The following CHADL variants were observed in gnomAD, a reference collection of about 807,000 sequenced individuals.
CHADL encodes the protein chondroadherin-like protein.
CHADL carries 48 observed loss-of-function variants against 52.1 expected under a neutral mutation model. The observed-to-expected ratio is 0.92, with a 90% CI of 0.73 to 1.17. The LOEUF is 1.17. Ranked by LOEUF, CHADL falls within the 50% of genes most tolerant of loss-of-function variation. CHADL has a pLI of 0.00. For missense variants in CHADL, 977 were observed against 1,035.1 expected (o/e 0.94, Z 0.77); for synonymous variants, 498 against 511.2 (o/e 0.97, Z 0.35).
chr22:41,238,348 G>A lies in CHADL; in HGVS notation c.724C>T (p.Leu242Phe). 2.7e-6 allele frequency: 4 copies of A among 1,508,244 alleles called. No individual in the cohort carries two copies. The highest frequency in any genetic ancestry group is 2.6e-6 in the Non-Finnish European group (3 of 1,135,268). 93.4% of individuals were successfully genotyped at this position (1,508,244 alleles called of 1,614,324 possible). ...LARLELGHNP[L>F]TYAGEEDGLA... ...CCGTCCTCCTCGCCCGCGTAGGTGA[G>A]CGGGTTGTGGCCCAGCTCCAGACGG... The change falls in exon 3 of 6, where the codon CTC becomes TTC. Residue 242 changes from leucine to phenylalanine, a missense_variant. Leu to Phe is a conservative substitution (Grantham distance 22, BLOSUM62 0). Coordinates refer to ENST00000216241, the MANE Select transcript of CHADL (RefSeq NM_138481.2). The surrounding 1 kb of genome is among the most constrained non-coding windows in gnomAD (Gnocchi z 4.9).
intron 4 of CHADL, among the ~76,000 whole-genome samples, chr22:41,235,679 T>G (rs1380468341): frequency 1.3e-5 from 2 of 152,182 alleles, no homozygotes; most frequent in Admixed American, 6.5e-5. Flanking sequence ...TTAGAGGGCT[T>G]ACAACGTAGC....
At chr22:41,233,695 C>A (rs2032681762) in intron 5 of CHADL, among the ~76,000 whole-genome samples, 1 of 152,146 alleles carries the variant, frequency 6.6e-6, no homozygotes, top group Non-Finnish European at 1.5e-5. Context: ...AACGGCTGAC[C>A]CCTAGCCTAC....
chr22:41,231,570 C>T (rs1394671186), intron 5 of CHADL, among the ~76,000 whole-genome samples: 1 of 152,256 alleles, frequency 6.6e-6, no homozygotes, highest in African/African-American at 2.4e-5. Flanking sequence ...GGAATGTGCG[C>T]ATGACCACGT....
At chr22:41,237,106 G>T in intron 3 of CHADL, 70 bp downstream of exon 3, 1 of 1,427,048 alleles carries the variant, frequency 7.0e-7, no homozygotes, top group African/African-American at 1.4e-5. Flanking sequence ...AATGCTTGTT[G>T]AGTGAATGCA....
At chr22:41,240,682 C>T in intron 1 of CHADL, 192 bp downstream of exon 1, 1 of 613,834 alleles carries the variant, frequency 1.6e-6, no homozygotes, top group South Asian at 2.0e-5. Flanking sequence ...CCCAGAGGAC[C>T]AGTTCCTGGC....
chr22:41,232,200 C>T (rs1349590039), intron 5 of CHADL, among the ~76,000 whole-genome samples: 8 of 152,032 alleles, frequency 5.3e-5, no homozygotes, highest in South Asian at 2.1e-4. Context: ...GGCGTGGTGG[C>T]AGTCACCTGT....
chr22:41,234,981 G>T (rs897238045), intron 5 of CHADL, among the ~76,000 whole-genome samples, 164 bp downstream of exon 5: 4 of 152,180 alleles, frequency 2.6e-5, no homozygotes, highest in Non-Finnish European at 5.9e-5. Context: ...GAGCCACCGC[G>T]CCCAGCCTCG....
chr22:41,238,389 T>C lies in CHADL; in HGVS notation c.683A>G (p.Gln228Arg). The part of the protein sequence containing the change: ...LQALPGPVLS[Q>R]ARGLARLELG... ...CTCCAGACGGGCCAGGCCGCGGGCC[T>C]GGGACAAGACAGGCCCGGGCAGAGC... The change falls in exon 3 of 6, where the codon CAG (glutamine) becomes CGG (arginine). Residue 228 changes from glutamine (Q) to arginine (R), a missense_variant. Physicochemically the swap from Gln to Arg is conservative, Grantham distance 43. Transcript: ENST00000216241. The surrounding 1 kb of genome is among the most constrained non-coding windows in gnomAD (Gnocchi z 4.9). The C allele has an allele frequency of 6.7e-7, 1 of 1,499,942 alleles. No individual in the cohort carries two copies. Among genetic ancestry groups the C allele is most frequent in the South Asian group, 1.3e-5 (1 of 79,070 alleles). 92.9% of individuals were successfully genotyped at this position (1,499,942 alleles called of 1,614,324 possible).
rs2032809718 is a variant in CHADL at position 41,238,958 on chromosome 22, G to A, written c.187-73C>T. 4 of 1,451,936 alleles carry A rather than the reference G, an allele frequency of 2.8e-6. No individual in the cohort carries two copies. The highest frequency in any genetic ancestry group is 1.4e-5 in the South Asian group (1 of 71,650). The allele number at this position is 1,451,936 out of a possible 1,614,324, so 89.9% of individuals were successfully genotyped here. A position where few individuals can be genotyped will look rare whatever the true frequency, so the allele number is the denominator to read the frequency against. ...CCTTTGCAAGTGCTGCTTCTTCCCCGGAACACTCTTTTCTCCTGTCACCTT... is the reference window on the plus strand; with the variant it reads ...CCTTTGCAAGTGCTGCTTCTTCCCCAGAACACTCTTTTCTCCTGTCACCTT... On this transcript the variant is annotated intron_variant, in intron 2 of 5. Transcript: ENST00000216241. This position sits in a 1 kb window ranked among gnomAD's most constrained non-coding sequence, Gnocchi z 4.9.
At chr22:41,231,510 C>T (rs1438092931) in intron 5 of CHADL, among the ~76,000 whole-genome samples, 1 of 152,254 alleles carries the variant, frequency 6.6e-6, no homozygotes, top group Non-Finnish European at 1.5e-5. Flanking sequence ...TCCGCCTGTG[C>T]GTAGCACCTG....
Position 41,238,375 on chromosome 22 carries a change from C to T in CHADL, c.697G>A (p.Ala233Thr), listed in dbSNP as rs928227379. ...GPVLSQARGLARLELGHNPLT... is the reference protein window; with the variant it reads ...GPVLSQARGLTRLELGHNPLT... ...GGGTTGTGGCCCAGCTCCAGACGGG[C>T]CAGGCCGCGGGCCTGGGACAAGACA... is the stretch of plus-strand genomic sequence containing the variant. The change falls in exon 3 of 6, where the codon GCC (alanine) becomes ACC (threonine). Residue 233 changes from alanine (A) to threonine (T), a missense_variant. Coordinates refer to ENST00000216241, the MANE Select transcript of CHADL (RefSeq NM_138481.2). This position sits in a 1 kb window ranked among gnomAD's most constrained non-coding sequence, Gnocchi z 4.9. The T allele has an allele frequency of 7.9e-5, 118 of 1,496,608 alleles. No homozygotes were observed. The highest frequency in any genetic ancestry group is 9.1e-5 in the Non-Finnish European group (103 of 1,128,676). 92.7% of individuals were successfully genotyped at this position (1,496,608 alleles called of 1,614,324 possible). A position where few individuals can be genotyped will look rare whatever the true frequency, so the allele number is the denominator to read the frequency against.
At chr22:41,239,326 T>G (rs1239864467) in intron 2 of CHADL, 117 bp downstream of exon 2, 10 of 874,592 alleles carry the variant, frequency 1.1e-5, no homozygotes, top group Non-Finnish European at 1.8e-5. Flanking sequence ...AGAAGTAATT[T>G]GCCAAGGTCT....
chr22:41,237,912 G>C lies in CHADL; in HGVS notation c.1160C>G (p.Pro387Arg). ...AGGCGCGACTGCCCGCTCCTCCCCG[G>C]GGCCGCGCGGAGGGCCGCGCGGAGG... The part of the protein sequence containing the change: ...RAPPRGPPRG[P>R]GEERAVAPCP... Residue 387 changes from proline to arginine, a missense_variant, in exon 3 of 6, where the codon CCC becomes CGC. Transcript: ENST00000216241. 1 of 1,296,820 alleles carries C rather than the reference G, an allele frequency of 7.7e-7. No homozygotes were observed. Among genetic ancestry groups the C allele is most frequent in the Non-Finnish European group, 9.7e-7 (1 of 1,028,544 alleles). The allele number at this position is 1,296,820 out of a possible 1,614,324, so 80.3% of individuals were successfully genotyped here.
chr22:41,230,198 A>G (rs1169253227), intron 5 of CHADL: 2 of 1,613,588 alleles, frequency 1.2e-6, no homozygotes, highest in Non-Finnish European at 8.5e-7. Context: ...CAAGGCTTCA[A>G]GTCCAGAGCT....
In CHADL at chr22:41,237,907, C is replaced by T; in HGVS notation, c.1165G>A (p.Glu389Lys). The T allele has an allele frequency of 7.7e-7, 1 of 1,302,544 alleles. No homozygotes were observed. Among genetic ancestry groups the T allele is most frequent in the Non-Finnish European group, 9.7e-7 (1 of 1,031,814 alleles). The allele number at this position is 1,302,544 out of a possible 1,614,324, so 80.7% of individuals were successfully genotyped here. A position where few individuals can be genotyped will look rare whatever the true frequency, so the allele number is the denominator to read the frequency against. ...GGGCAAGGCGCGACTGCCCGCTCCT[C>T]CCCGGGGCCGCGCGGAGGGCCGCGC... The part of the protein sequence containing the change: ...PPRGPPRGPG[E>K]ERAVAPCPRA... The change falls in exon 3 of 6, where the codon GAG becomes AAG. Residue 389 changes from glutamate to lysine, a missense_variant. Coordinates refer to ENST00000216241, the MANE Select transcript of CHADL (RefSeq NM_138481.2).
intron 1 of CHADL, 72 bp downstream of exon 1, chr22:41,240,802 G>A (rs749539830): frequency 1.3e-6 from 2 of 1,526,722 alleles, no homozygotes; most frequent in Non-Finnish European, 1.8e-6. Flanking sequence ...AGGCCCAGAG[G>A]GGGCAGAGAC....
chr22:41,239,864 C>T (rs2032830505), intron 1 of CHADL, among the ~76,000 whole-genome samples: 1 of 152,174 alleles, frequency 6.6e-6, no homozygotes, highest in Non-Finnish European at 1.5e-5. Context: ...CTGGTTAGTC[C>T]CTTTGCCTCT....
chr22:41,236,463 G>T, intron 4 of CHADL, 21 bp downstream of exon 4: 1 of 1,546,712 alleles, frequency 6.5e-7, no homozygotes, highest in African/African-American at 1.4e-5. Context: ...TTTGGCTGGA[G>T]GTCTAGGTGG....
Position 41,239,471 on chromosome 22 carries a change from A to G in CHADL, c.158T>C (p.Leu53Pro). Residue 53 changes from leucine (L) to proline (P), a missense_variant, in exon 2 of 6, where the codon CTC (leucine) becomes CCC (proline). Physicochemically the swap from Leu to Pro is moderately conservative, Grantham distance 98. Coordinates refer to ENST00000216241, the MANE Select transcript of CHADL (RefSeq NM_138481.2). ...RRHVACRYQN[L>P]TEVPDAIPEL... ...AGGGATGGCGTCTGGCACCTCAGTG[A>G]GGTTCTGGTACCGGCAGGCAACGTG... The G allele has an allele frequency of 3.2e-6, 5 of 1,550,906 alleles. No individual in the cohort carries two copies. The highest frequency in any genetic ancestry group is 3.5e-6 in the Non-Finnish European group (4 of 1,146,870).
Sources: allele counts gnomAD v4.1 joint callset (sites outside exome capture counted in the v4.1 genomes callset), GRCh38; gene constraint gnomAD v4.1.1; non-coding constraint Gnocchi (gnomAD v3.1); transcripts MANE v1.5; gene names NCBI Gene and HGNC (gene_info 2026-07-23, HGNC 2026-07-21).